RANBP2: variants seen among roughly 807,000 people sequenced by gnomAD.
RANBP2 encodes RAN binding protein 2, also known as E3 SUMO-protein ligase RanBP2.
In RANBP2, 57 loss-of-function variants were observed where a neutral mutation model predicts 303.6. The observed-to-expected ratio is 0.19, with a 90% CI of 0.15 to 0.23. RANBP2 has a LOEUF of 0.23. Among genes scored for constraint, RANBP2 ranks in the 10% least tolerant of loss-of-function variants. The probability of loss-of-function intolerance (pLI) is 1.00; values close to 1 mark genes in which losing one functional copy is unlikely to be tolerated. For synonymous variants in RANBP2, 1,167 were observed against 1,301.5 expected (o/e 0.90, Z 2.23); for missense variants, 3,138 against 3,780.8 (o/e 0.83, Z 4.46).
intron 1 of RANBP2, among the ~76,000 whole-genome samples, chr2:108,725,603 T>C (rs1406602008): frequency 2.0e-5 from 3 of 151,906 alleles, no homozygotes; most frequent in African/African-American, 7.3e-5. Flanking sequence ...CTACTAAAAA[T>C]ACAAAAATTA....
At chr2:109,398,756 A>T in the RANBP2 span, 2 of 1,613,650 alleles carry the variant, frequency 1.2e-6, no homozygotes, top group Non-Finnish European at 1.7e-6. Flanking sequence ...CGGCGTGTGG[A>T]TGGCAAGAAG....
chr2:109,134,202 A>G, the RANBP2 span, among the ~76,000 whole-genome samples: 1 of 152,158 alleles, frequency 6.6e-6, no homozygotes, highest in African/African-American at 2.4e-5. Flanking sequence ...AGAGATTGAT[A>G]TTTGGGCAAG....
the RANBP2 span, among the ~76,000 whole-genome samples, chr2:108,810,277 G>A: frequency 6.6e-6 from 1 of 152,152 alleles, no homozygotes. Flanking sequence ...TTAATTGTGT[G>A]TTTGTTATAT....
the RANBP2 span, among the ~76,000 whole-genome samples, chr2:108,933,253 G>C: frequency 6.6e-6 from 1 of 152,172 alleles, no homozygotes; most frequent in Non-Finnish European, 1.5e-5. Flanking sequence ...AACTGAAATC[G>C]GGTGGGGGTG....
At chr2:109,203,955 T>C in the RANBP2 span, among the ~76,000 whole-genome samples, 29 of 152,236 alleles carry the variant, frequency 1.9e-4, no homozygotes, top group Non-Finnish European at 3.1e-4. Flanking sequence ...GCAGAGCATC[T>C]GCACGGTGCT....
At chr2:108,916,183 T>C in the RANBP2 span, among the ~76,000 whole-genome samples, 6 of 152,284 alleles carry the variant, frequency 3.9e-5, no homozygotes, top group East Asian at 1.2e-3. Context: ...AAACAAGAGA[T>C]TGAAAAGAAG....
At chr2:109,347,993 C>T in the RANBP2 span, 48 of 1,554,784 alleles carry the variant, frequency 3.1e-5, 1 homozygote, top group Non-Finnish European at 2.2e-5. Flanking sequence ...CATGCAGCCT[C>T]TGTGCCACCC....
At chr2:109,107,123 G>A in the RANBP2 span, among the ~76,000 whole-genome samples, 1 of 151,488 alleles carries the variant, frequency 6.6e-6, no homozygotes, top group Non-Finnish European at 1.5e-5. Flanking sequence ...TTTTTTTAGT[G>A]GAGATGGGGT....
chr2:108,912,713 C>G, the RANBP2 span: 1 of 1,602,294 alleles, frequency 6.2e-7, no homozygotes, highest in South Asian at 1.1e-5. Flanking sequence ...CAGGGTGCTG[C>G]TGCCCGAGGT....
the RANBP2 span, among the ~76,000 whole-genome samples, chr2:108,840,982 TTGTGTTTTTTGTGTG>T: frequency 6.6e-6 from 1 of 151,744 alleles, no homozygotes; most frequent in African/African-American, 2.4e-5. Context: ...TGGCTAATTT[TTGTGTTTTTTGTGTG>T]TGTGTTTTTT....
At chr2:109,456,832 C>G in the RANBP2 span, among the ~76,000 whole-genome samples, 1 of 152,216 alleles carries the variant, frequency 6.6e-6, no homozygotes. Context: ...TGCCCACTCC[C>G]CATTCTCTGC....
the RANBP2 span, among the ~76,000 whole-genome samples, chr2:109,415,996 G>C: frequency 6.6e-6 from 1 of 152,170 alleles, no homozygotes; most frequent in Non-Finnish European, 1.5e-5. Flanking sequence ...ACCTGAGCCA[G>C]CATGCTCAGC....
At chr2:108,826,097 A>G in the RANBP2 span, among the ~76,000 whole-genome samples, 1 of 151,938 alleles carries the variant, frequency 6.6e-6, no homozygotes, top group Non-Finnish European at 1.5e-5. Flanking sequence ...TTTTTAATTG[A>G]GTTATCTTTT....
chr2:109,675,005 T>A, the RANBP2 span, among the ~76,000 whole-genome samples: 1 of 152,178 alleles, frequency 6.6e-6, no homozygotes. Flanking sequence ...GGTTTCTCTC[T>A]GTCACCGAGG....
At chr2:109,712,013 G>A in the RANBP2 span, among the ~76,000 whole-genome samples, 1 of 152,186 alleles carries the variant, frequency 6.6e-6, no homozygotes, top group Admixed American at 6.5e-5. Context: ...CATCGGGGCT[G>A]ATGCAGCCAG....
rs967874279 is a variant in RANBP2, at chr2:108,767,370, A to G, written c.6831A>G (p.Pro2277=). Residue 2277 remains proline (P), a synonymous_variant, in exon 20 of 29, where the codon CCA becomes CCG. Transcript: ENST00000283195. ...FNFSFKSALS[P]SKSPAKLNQS... ...TCAGTTTTAAATCTGCTTTGAGTCC[A>G]TCTAAGTCTCCTGCCAAGTTGAATC... is the stretch of plus-strand genomic sequence containing the variant. 1 of 1,611,926 alleles carries G rather than the reference A, an allele frequency of 6.2e-7. No individual in the cohort carries two copies. Among genetic ancestry groups the G allele is most frequent in the Non-Finnish European group, 8.5e-7 (1 of 1,179,876 alleles).
At chr2:109,121,762 C>T in the RANBP2 span, among the ~76,000 whole-genome samples, 1 of 152,258 alleles carries the variant, frequency 6.6e-6, no homozygotes, top group African/African-American at 2.4e-5. Context: ...AAATGACTCC[C>T]AGATGCACAC....
At chr2:109,281,044 G>A in the RANBP2 span, among the ~76,000 whole-genome samples, 1 of 152,172 alleles carries the variant, frequency 6.6e-6, no homozygotes, top group Non-Finnish European at 1.5e-5. Context: ...TGTCCCCAGA[G>A]CCGACCTTGT....
At chr2:109,710,802 A>T in the RANBP2 span, among the ~76,000 whole-genome samples, 1 of 151,872 alleles carries the variant, frequency 6.6e-6, no homozygotes, top group African/African-American at 2.4e-5. Context: ...GATGGGCTGA[A>T]CCCCCCGGGC....
Sources: allele counts gnomAD v4.1 joint callset (sites outside exome capture counted in the v4.1 genomes callset), GRCh38; gene constraint gnomAD v4.1.1; transcripts MANE v1.5; gene names NCBI Gene and HGNC (gene_info 2026-07-23, HGNC 2026-07-21).